The following RALYL variants were observed in gnomAD, a reference collection of about 807,000 sequenced individuals.
The protein encoded by RALYL is RNA-binding Raly-like protein.
A neutral mutation model predicts 35.1 loss-of-function variants in RALYL; 29 were observed. The observed-to-expected ratio is 0.83, with a 90% confidence interval of 0.61 to 1.13. The LOEUF is 1.13. RALYL is among the 50% of genes most tolerant of loss of function. The pLI, the probability that RALYL is intolerant of heterozygous loss-of-function variation, is 0.00. For synonymous variants in RALYL, 120 were observed against 127.6 expected, an observed-to-expected ratio of 0.94 and a Z score of 0.40; for missense variants, 359 against 360.4, an observed-to-expected ratio of 1.00 and a Z score of 0.03.
intron 5 of RALYL, among the ~76,000 whole-genome samples, chr8:84,857,036 GA>G (rs36119108): frequency 0.031 from 2,858 of 91,714 alleles, 28 homozygotes; most frequent in African/African-American, 0.072. Context: ...CTCCGTCTCA[GA>G]AAAAAAAAAA....
At chr8:84,505,506 A>C (rs116279626) in intron 1 of RALYL, among the ~76,000 whole-genome samples, 2,492 of 152,128 alleles carry the variant, frequency 0.016, 69 homozygotes, top group African/African-American at 0.056. Flanking sequence ...GAAAGGAAAT[A>C]ACTAAAATAA....
intron 1 of RALYL, chr8:84,185,065 G>C: frequency 6.3e-7 from 1 of 1,594,582 alleles, no homozygotes; most frequent in Non-Finnish European, 8.6e-7. Flanking sequence ...TGCTTTCTTA[G>C]GGATGCTGTC....
intron 1 of RALYL, among the ~76,000 whole-genome samples, chr8:84,435,128 C>G (rs1408924034): frequency 6.6e-6 from 1 of 151,958 alleles, no homozygotes; most frequent in South Asian, 2.1e-4. Context: ...AAAACAGCTA[C>G]TAGGGAAAAA....
chr8:84,673,870 T>C (rs1160319177), intron 2 of RALYL, among the ~76,000 whole-genome samples: 2 of 152,204 alleles, frequency 1.3e-5, no homozygotes, highest in African/African-American at 4.8e-5. Context: ...GGTTCCCTTT[T>C]AGTTTCATAT....
intron 3 of RALYL, among the ~76,000 whole-genome samples, chr8:84,791,978 C>T (rs1820889560): frequency 6.6e-6 from 1 of 152,110 alleles, no homozygotes; most frequent in Non-Finnish European, 1.5e-5. Flanking sequence ...GCACTCAAAC[C>T]CCTTAAGGGA....
chr8:84,323,315 C>T (rs1845214136), intron 1 of RALYL, among the ~76,000 whole-genome samples: 1 of 151,900 alleles, frequency 6.6e-6, no homozygotes, highest in Non-Finnish European at 1.5e-5. Context: ...GTATGCTGTA[C>T]ATAGAGAACA....
At position 84,424,582 on chromosome 8, in the gene RALYL, G is replaced by A. The variant is rs1221521074; in HGVS notation, c.-23-104717G>A. Among the ~76,000 whole-genome samples the A allele has an allele frequency of 2.6e-5, 4 of 151,308 alleles. 1 individual carries two copies. Among genetic ancestry groups the A allele is most frequent in the Admixed American group, 1.3e-4 (2 of 15,242 alleles). On this transcript the variant is annotated intron_variant, in intron 1 of 8. Coordinates refer to ENST00000521268, the MANE Select transcript of RALYL (RefSeq NM_173848.7). ...GTCATTCTCCATCCAGCTTTGTTCTGTTGCTGGTGAGGAACTGCGTTCCTT... is the reference window on the plus strand; with the variant it reads ...GTCATTCTCCATCCAGCTTTGTTCTATTGCTGGTGAGGAACTGCGTTCCTT...
intron 1 of RALYL, among the ~76,000 whole-genome samples, chr8:84,196,071 T>C (rs1285725276): frequency 1.3e-5 from 2 of 152,232 alleles, no homozygotes; most frequent in African/African-American, 4.8e-5. Context: ...TATCTATGCT[T>C]TTAGATTTTT....
chr8:84,479,821 C>A (rs1485347950), intron 1 of RALYL, among the ~76,000 whole-genome samples: 5 of 152,068 alleles, frequency 3.3e-5, no homozygotes, highest in African/African-American at 1.2e-4. Context: ...CTTCTTTTCC[C>A]AGGGTAGATT....
chr8:84,189,647 T>A (rs1043193848), intron 1 of RALYL, among the ~76,000 whole-genome samples: 1 of 151,908 alleles, frequency 6.6e-6, no homozygotes, highest in Non-Finnish European at 1.5e-5. Context: ...AAATTTGACA[T>A]GTAGGAAGTC....
intron 1 of RALYL, among the ~76,000 whole-genome samples, chr8:84,255,641 A>G (rs1003030300): frequency 6.6e-6 from 1 of 152,070 alleles, no homozygotes; most frequent in Non-Finnish European, 1.5e-5. Context: ...TCACGGAGAA[A>G]CTGTGCCCTG....
chr8:84,389,444 C>T (rs1225736859), intron 1 of RALYL, among the ~76,000 whole-genome samples: 2 of 151,846 alleles, frequency 1.3e-5, no homozygotes, highest in African/African-American at 2.4e-5. Flanking sequence ...AGTATGGCCA[C>T]TTTCATGATA....
chr8:84,650,189 A>G lies in RALYL; in HGVS notation c.256+120612A>G, dbSNP rs1193798373. Among the ~76,000 whole-genome samples the G allele has an allele frequency of 2.3e-4, 35 of 152,026 alleles. No homozygotes were observed. In the East Asian group the frequency reaches 2.7e-3, roughly 12 times the overall value. ...GCTTAAGGAGATTTTGGGCTGAGAC[A>G]ATGGGGTTTTCTAGATATACAATCA... On this transcript the variant is annotated intron_variant, in intron 2 of 8. Transcript: ENST00000521268.
intron 1 of RALYL, among the ~76,000 whole-genome samples, chr8:84,515,754 C>A (rs1460780106): frequency 1.3e-5 from 2 of 151,984 alleles, no homozygotes; most frequent in Non-Finnish European, 2.9e-5. Context: ...TTTCAGTTGA[C>A]ACAACAGGGA....
At chr8:84,686,751 A>G (rs550145897) in intron 2 of RALYL, among the ~76,000 whole-genome samples, 4 of 152,050 alleles carry the variant, frequency 2.6e-5, no homozygotes, top group Non-Finnish European at 5.9e-5. Flanking sequence ...TATTTTCATC[A>G]TCATAAGTGT....
At chr8:84,443,941 A>T (rs929412280) in intron 1 of RALYL, among the ~76,000 whole-genome samples, 1 of 152,166 alleles carries the variant, frequency 6.6e-6, no homozygotes, top group Non-Finnish European at 1.5e-5. Context: ...TATGTGTCCA[A>T]TATTGTCAGT....
intron 2 of RALYL, among the ~76,000 whole-genome samples, chr8:84,591,786 G>C (rs960403023): frequency 3.9e-5 from 6 of 152,146 alleles, no homozygotes; most frequent in African/African-American, 1.4e-4. Flanking sequence ...GAAAAAGAAA[G>C]AACACGGAAA....
intron 1 of RALYL, among the ~76,000 whole-genome samples, chr8:84,223,134 T>A (rs1432037574): frequency 6.9e-6 from 1 of 144,370 alleles, no homozygotes; most frequent in African/African-American, 2.6e-5. Context: ...TTTCCTTTCC[T>A]TTCCTTTCCT....
At position 84,251,408 on chromosome 8, in the gene RALYL, C is replaced by G. The variant is rs115474298; in HGVS notation, c.-24+66984C>G. Among the ~76,000 whole-genome samples, 545 of 152,096 alleles carry G rather than the reference C, an allele frequency of 3.6e-3. 2 individuals are homozygous for G. Among genetic ancestry groups the G allele is most frequent in the African/African-American group, 0.012 (517 of 41,526 alleles). On this transcript the variant is annotated intron_variant, in intron 1 of 8. Transcript: ENST00000521268. The stretch of plus-strand genomic sequence containing the variant: ...TTGTCAAATAGTAAATATGCTGACT[C>G]TTACATAATAAAATTGTCTCCTTGA...
Sources: allele counts gnomAD v4.1 joint callset (sites outside exome capture counted in the v4.1 genomes callset), GRCh38; gene constraint gnomAD v4.1.1; transcripts MANE v1.5; gene names NCBI Gene and HGNC (gene_info 2026-07-23, HGNC 2026-07-21).